The following TDP1 variants were observed in gnomAD, a reference collection of about 807,000 sequenced individuals.
The protein encoded by TDP1 is tyrosyl-DNA phosphodiesterase 1.
A neutral mutation model predicts 81.5 loss-of-function variants in TDP1; 64 were observed. The observed-to-expected ratio is 0.79, with a 90% CI of 0.64 to 0.97. TDP1 has a LOEUF of 0.97. Ranked by LOEUF, TDP1 falls within the 50% of genes least tolerant of loss-of-function variation. The pLI is 0.00. For missense variants in TDP1, 723 were observed against 743.8 expected, an observed-to-expected ratio of 0.97 and a Z score of 0.33; for synonymous variants, 256 against 264.3, an observed-to-expected ratio of 0.97 and a Z score of 0.30.
rs1004924318 is a variant in TDP1 at position 90,043,688 on chromosome 14, T to C, written c.*545T>C. On this transcript the variant is annotated 3_prime_UTR_variant, in exon 17 of 17. Coordinates refer to ENST00000335725, the MANE Select transcript of TDP1 (RefSeq NM_018319.4). ...ATGGAAATTTTCATTTGGAGCATCA[T>C]GTCAGCACTCAAAAAGTTCTGGATC... The C allele has an allele frequency of 1.8e-5, 3 of 170,816 alleles. No individual in the cohort carries two copies. The highest frequency in any genetic ancestry group is 7.2e-5 in the African/African-American group (3 of 41,572). 10.6% of individuals were successfully genotyped at this position (170,816 alleles called of 1,614,324 possible).
chr14:90,012,087 A>T (rs1361607827), intron 14 of TDP1, among the ~76,000 whole-genome samples: 1 of 152,200 alleles, frequency 6.6e-6, no homozygotes, highest in African/African-American at 2.4e-5. Flanking sequence ...CATCCCAGGC[A>T]TGGCTAAAAG....
chr14:89,955,372 G>C (rs1010085061), upstream of TDP1: 8 of 152,122 alleles, frequency 5.3e-5, no homozygotes, highest in African/African-American at 1.9e-4. Context: ...AAACAGCACC[G>C]AGCCCAAATC....
In TDP1 at chr14:90,030,275, G is replaced by A. The variant is rs1459949934; in HGVS notation, c.1645-2831G>A. Among the ~76,000 whole-genome samples the A allele has an allele frequency of 3.3e-5, 5 of 152,252 alleles. No homozygotes were observed. In the East Asian group the frequency reaches 5.8e-4, roughly 18 times the overall value. On this transcript the variant is annotated intron_variant, in intron 15 of 16. Coordinates refer to ENST00000335725, the MANE Select transcript of TDP1 (RefSeq NM_018319.4). ...TCTGTGTCAGTGCCCTCGCCCTCCC[G>A]GGATGTGCCTGCTCTGTGCTTTGCT...
chr14:89,978,279 C>T (rs1271895976), intron 7 of TDP1, among the ~76,000 whole-genome samples: 1 of 152,216 alleles, frequency 6.6e-6, no homozygotes, highest in African/African-American at 2.4e-5. Context: ...TTCCGCTGGC[C>T]CACTTTGTGA....
intron 14 of TDP1, among the ~76,000 whole-genome samples, chr14:90,001,108 A>C (rs1203059303): frequency 6.6e-6 from 1 of 152,206 alleles, no homozygotes; most frequent in African/African-American, 2.4e-5. Flanking sequence ...TCTACCCATC[A>C]TAAGTAGAGG....
intron 6 of TDP1, among the ~76,000 whole-genome samples, chr14:89,974,466 C>A (rs1894033730): frequency 6.6e-6 from 1 of 152,214 alleles, no homozygotes; most frequent in Non-Finnish European, 1.5e-5. Context: ...CAGATGCATG[C>A]TGGTCTGTGA....
rs35499761 is a variant in TDP1, at chr14:90,022,945, T to C, written c.1644+3527T>C. On this transcript the variant is annotated intron_variant, in intron 15 of 16. Coordinates refer to ENST00000335725, the MANE Select transcript of TDP1 (RefSeq NM_018319.4). ...TCCCTCCTCAAAGCATACCCCAGGC[T>C]CCTACCTGGACGTTCCAGTGGCCTG... 9,203 of 727,040 alleles carry C rather than the reference T, an allele frequency of 0.013. 558 individuals carry two copies. In the African/African-American group the frequency reaches 0.13, roughly 11 times the overall value. 45.0% of individuals were successfully genotyped at this position (727,040 alleles called of 1,614,324 possible). A position where few individuals can be genotyped will look rare whatever the true frequency, so the allele number is the denominator to read the frequency against.
intron 14 of TDP1, among the ~76,000 whole-genome samples, chr14:89,998,974 T>C (rs181855133): frequency 2.6e-5 from 4 of 152,316 alleles, no homozygotes; most frequent in Non-Finnish European, 5.9e-5. Context: ...TTGAATTGAT[T>C]GGAATAATTG....
At chr14:89,970,651 G>A (rs974681943) in intron 5 of TDP1, 27 of 189,584 alleles carry the variant, frequency 1.4e-4, no homozygotes, top group Non-Finnish European at 2.1e-4. Flanking sequence ...CAACAGAGCT[G>A]CAGAATCAGG....
chr14:90,000,589 TGGTCAG>T (rs1897106352), intron 14 of TDP1, among the ~76,000 whole-genome samples: 2 of 152,204 alleles, frequency 1.3e-5, no homozygotes, highest in South Asian at 4.1e-4. Context: ...TTCTCCATGT[TGGTCAG>T]GCTGGTCTTG....
chr14:90,001,442 A>G (rs994911950), intron 14 of TDP1, among the ~76,000 whole-genome samples: 1 of 152,222 alleles, frequency 6.6e-6, no homozygotes, highest in African/African-American at 2.4e-5. Context: ...CTGTTGAACT[A>G]TCTGCATTAG....
rs144408600 is a variant in TDP1 at position 89,965,718 on chromosome 14, G to T, written c.560-429G>T. 2,811 of 966,598 alleles carry T rather than the reference G, an allele frequency of 2.9e-3. 7 individuals are homozygous for T. The highest frequency in any genetic ancestry group is 3.3e-3 in the Non-Finnish European group (2,682 of 812,846). 59.9% of individuals were successfully genotyped at this position (966,598 alleles called of 1,614,324 possible). A position where few individuals can be genotyped will look rare whatever the true frequency, so the allele number is the denominator to read the frequency against. ...CCACAGGTGCTTTCCAGTCTTTCTG[G>T]AAAGTCTTTCTAAACTGTCCACATT... is the stretch of plus-strand genomic sequence containing the variant. On this transcript the variant is annotated intron_variant, in intron 3 of 16. Coordinates refer to ENST00000335725, the MANE Select transcript of TDP1 (RefSeq NM_018319.4).
intron 8 of TDP1, among the ~76,000 whole-genome samples, chr14:89,983,803 CAAAG>C (rs1895264844): frequency 6.6e-6 from 1 of 152,074 alleles, no homozygotes; most frequent in Non-Finnish European, 1.5e-5. Flanking sequence ...GAAGTTTTGG[CAAAG>C]AGCATTGTTT....
intron 14 of TDP1, among the ~76,000 whole-genome samples, chr14:90,001,210 T>G (rs1303452002): frequency 2.6e-5 from 4 of 152,236 alleles, no homozygotes; most frequent in African/African-American, 9.6e-5. Context: ...AATTGGAATC[T>G]TATAAAAATG....
In TDP1 at chr14:89,987,328, C is replaced by T. The variant is rs547265538; in HGVS notation, c.1132-1577C>T. 4.1e-4 allele frequency among the ~76,000 whole-genome samples: 62 copies of T among 152,292 alleles called. 1 individual carries two copies. The highest frequency in any genetic ancestry group is 7.6e-4 in the Non-Finnish European group (52 of 68,018). On this transcript the variant is annotated intron_variant, in intron 10 of 16. Coordinates refer to ENST00000335725, the MANE Select transcript of TDP1 (RefSeq NM_018319.4). Reference sequence around the variant, plus strand: ...CCTCTAATTCACTTCAGTTCTTATGCTGTCTTCCTGGAGATGTATAAAGAA... The same window carrying T: ...CCTCTAATTCACTTCAGTTCTTATGTTGTCTTCCTGGAGATGTATAAAGAA...
chr14:89,956,140 C>T (rs1379480537), intron 1 of TDP1, 170 bp downstream of exon 1: 1 of 152,384 alleles, frequency 6.6e-6, no homozygotes, highest in African/African-American at 2.4e-5. Context: ...GGCAGGGTCG[C>T]CTCGGCCCCG....
intron 14 of TDP1, among the ~76,000 whole-genome samples, chr14:90,002,688 G>C (rs1270992845): frequency 4.7e-5 from 7 of 150,344 alleles, no homozygotes; most frequent in Admixed American, 4.6e-4. Flanking sequence ...TGAGCAACAT[G>C]GTAAAACCCC....
intron 16 of TDP1, among the ~76,000 whole-genome samples, chr14:90,037,240 C>T (rs774638751): frequency 3.9e-5 from 6 of 152,158 alleles, no homozygotes; most frequent in Non-Finnish European, 7.3e-5. Context: ...GTAATCTTAA[C>T]CTTTCTTCCA....
chr14:89,980,689 C>A, intron 8 of TDP1, 57 bp downstream of exon 8: 1 of 1,335,682 alleles, frequency 7.5e-7, no homozygotes. Flanking sequence ...GGTCAAAAGC[C>A]AGAACATTCA....
Sources: gnomAD v4.1 joint callset for allele counts (sites outside exome capture counted in the v4.1 genomes callset) on GRCh38, gnomAD v4.1.1 for gene constraint, MANE v1.5 for transcripts, NCBI Gene and HGNC (gene_info 2026-07-23, HGNC 2026-07-21) for gene names.